The following IMMP2L variants were observed in gnomAD, a reference collection of about 807,000 sequenced individuals.
The protein encoded by IMMP2L is inner mitochondrial membrane peptidase subunit 2.
A neutral mutation model predicts 19.3 loss-of-function variants in IMMP2L; 18 were observed. That is an observed-to-expected ratio of 0.93 (90% CI 0.64 to 1.38). The LOEUF is 1.38. IMMP2L is among the 40% of genes most tolerant of loss of function. The pLI is 0.00. For missense variants in IMMP2L, 233 were observed against 218.2 expected, an observed-to-expected ratio of 1.07 and a Z score of -0.43; for synonymous variants, 76 against 73.0, an observed-to-expected ratio of 1.04 and a Z score of -0.21.
chr7:111,455,090 C>T (rs1275177807), intron 3 of IMMP2L, among the ~76,000 whole-genome samples: 2 of 151,786 alleles, frequency 1.3e-5, no homozygotes, highest in Non-Finnish European at 2.9e-5. Flanking sequence ...CATTGTCTTT[C>T]TGCTACTTTA....
At chr7:111,240,493 T>G (rs888801086) in intron 3 of IMMP2L, among the ~76,000 whole-genome samples, 2 of 151,988 alleles carry the variant, frequency 1.3e-5, no homozygotes, top group African/African-American at 4.8e-5. Context: ...TTGTCTGTCA[T>G]GTTTCAAACC....
At chr7:111,558,168 A>G (rs1791597821) in intron 1 of IMMP2L, among the ~76,000 whole-genome samples, 1 of 152,198 alleles carries the variant, frequency 6.6e-6, no homozygotes, top group East Asian at 1.9e-4. Context: ...TCTAGGAAAC[A>G]AGTAATTCAT....
At chr7:111,221,697 T>C (rs1246563739) in intron 3 of IMMP2L, among the ~76,000 whole-genome samples, 1 of 151,966 alleles carries the variant, frequency 6.6e-6, no homozygotes, top group Non-Finnish European at 1.5e-5. Context: ...TTGTGGCAAT[T>C]AATAGATCAA....
At chr7:111,552,221 G>A (rs1790749665) in intron 1 of IMMP2L, among the ~76,000 whole-genome samples, 1 of 152,130 alleles carries the variant, frequency 6.6e-6, no homozygotes, top group African/African-American at 2.4e-5. Flanking sequence ...ATGCTAACAT[G>A]GCACAAAGCA....
At chr7:110,686,071 C>T (rs577874189) in intron 5 of IMMP2L, among the ~76,000 whole-genome samples, 3 of 152,160 alleles carry the variant, frequency 2.0e-5, no homozygotes, top group South Asian at 4.1e-4. Context: ...TTCCTTAAAC[C>T]TTGCTGGCTT....
rs57414194 is a variant in IMMP2L, at chr7:111,191,431, TACACACACACACACACACACAC to T, written c.240-227888_240-227867del. Among the ~76,000 whole-genome samples, 15 of 146,772 alleles carry T rather than the reference TACACACACACACACACACACAC, an allele frequency of 1.0e-4. No individual in the cohort carries two copies. The South Asian group carries it at 2.4e-3, about 23-fold the overall frequency. On this transcript the variant is annotated intron_variant, in intron 3 of 5. Coordinates refer to ENST00000405709, the MANE Select transcript of IMMP2L (RefSeq NM_032549.4). ...ACAAGGTAAAATGCTGCTGCTCAAA[TACACACACACACACACACACAC>T]ACACACACACACACACACACAAAAC...
intron 3 of IMMP2L, among the ~76,000 whole-genome samples, chr7:111,421,436 AT>A (rs1387133108): frequency 1.3e-5 from 2 of 148,892 alleles, no homozygotes; most frequent in Admixed American, 6.7e-5. Flanking sequence ...TGCCCGGCTA[AT>A]TTTTTTTTGT....
rs532931160 is a variant in IMMP2L, at chr7:111,462,772, CT to C, written c.239+24465del. On this transcript the variant is annotated intron_variant, in intron 3 of 5. Coordinates refer to ENST00000405709, the MANE Select transcript of IMMP2L (RefSeq NM_032549.4). ...CGTCTATAGGGCCCTAGCTCTGCCC[CT>C]GCCATTAAGTTTGTGTGACCGATGG... Among the ~76,000 whole-genome samples the C allele has an allele frequency of 5.1e-3, 772 of 152,250 alleles. 9 individuals carry two copies. The highest frequency in any genetic ancestry group is 0.018 in the African/African-American group (747 of 41,542).
intron 5 of IMMP2L, among the ~76,000 whole-genome samples, chr7:110,677,476 A>G (rs1392714390): frequency 1.3e-5 from 2 of 152,062 alleles, no homozygotes; most frequent in Non-Finnish European, 2.9e-5. Flanking sequence ...TTATCTACTT[A>G]CACATTCCCA....
chr7:111,501,529 A>C (rs1159933546), intron 2 of IMMP2L, among the ~76,000 whole-genome samples: 1 of 152,200 alleles, frequency 6.6e-6, no homozygotes, highest in Non-Finnish European at 1.5e-5. Context: ...TGTCACATTC[A>C]CCAAAGTTGA....
chr7:110,775,273 G>A (rs1285619158), intron 5 of IMMP2L, among the ~76,000 whole-genome samples: 1 of 139,168 alleles, frequency 7.2e-6, no homozygotes, highest in African/African-American at 2.8e-5. Context: ...GTGTGTGTGT[G>A]TGTGTGTGGT....
intron 3 of IMMP2L, among the ~76,000 whole-genome samples, chr7:111,261,599 CAT>C (rs966288957): frequency 1.3e-5 from 2 of 151,960 alleles, no homozygotes; most frequent in Non-Finnish European, 1.5e-5. Context: ...ATAAGTATAA[CAT>C]AACATGTAAA....
chr7:111,323,614 C>A (rs1704480960), intron 3 of IMMP2L, among the ~76,000 whole-genome samples: 1 of 152,014 alleles, frequency 6.6e-6, no homozygotes, highest in African/African-American at 2.4e-5. Context: ...CTAGAAATAC[C>A]ATTTCACCCA....
chr7:110,681,430 T>G (rs1792711270), intron 5 of IMMP2L, among the ~76,000 whole-genome samples: 1 of 152,138 alleles, frequency 6.6e-6, no homozygotes. Context: ...TGAAGGTTTG[T>G]ACACAGCCAT....
At chr7:111,212,967 G>A (rs1046404183) in intron 3 of IMMP2L, among the ~76,000 whole-genome samples, 4 of 152,202 alleles carry the variant, frequency 2.6e-5, no homozygotes, top group African/African-American at 7.2e-5. Context: ...CATGACACCA[G>A]CTTCAGTGGA....
rs377603912 is a variant in IMMP2L at position 111,560,616 on chromosome 7, C to A, written c.-3+1235G>T. ...GTATAGACCTGCAAACCACTATGAT[C>A]AGTAGTACAGGGAAAGTCTTGTAAA... On this transcript the variant is annotated intron_variant, in intron 1 of 5. Coordinates refer to ENST00000405709, the MANE Select transcript of IMMP2L (RefSeq NM_032549.4). Among the ~76,000 whole-genome samples, 11 of 152,278 alleles carry A rather than the reference C, an allele frequency of 7.2e-5. No homozygotes were observed. In the East Asian group the frequency reaches 1.5e-3, roughly 21 times the overall value.
At chr7:110,827,585 A>T (rs1803614555) in intron 5 of IMMP2L, among the ~76,000 whole-genome samples, 1 of 152,194 alleles carries the variant, frequency 6.6e-6, no homozygotes, top group South Asian at 2.1e-4. Flanking sequence ...TTGTGTGACA[A>T]ATACTGTAAC....
At chr7:111,037,470 G>A (rs1585885994) in intron 3 of IMMP2L, among the ~76,000 whole-genome samples, 3 of 152,062 alleles carry the variant, frequency 2.0e-5, no homozygotes, top group Non-Finnish European at 4.4e-5. Context: ...AGATGCATTA[G>A]TAGGATATCA....
chr7:110,672,350 C>T (rs995681776), intron 5 of IMMP2L, among the ~76,000 whole-genome samples: 2 of 152,100 alleles, frequency 1.3e-5, no homozygotes, highest in African/African-American at 4.8e-5. Context: ...AGGTCCCTCC[C>T]ATGACATGTG....
Sources: gnomAD v4.1 joint callset for allele counts (sites outside exome capture counted in the v4.1 genomes callset) on GRCh38, gnomAD v4.1.1 for gene constraint, MANE v1.5 for transcripts, NCBI Gene and HGNC (gene_info 2026-07-23, HGNC 2026-07-21) for gene names.